The following PRKAR1A variants were observed in gnomAD, a reference collection of about 807,000 sequenced individuals.
PRKAR1A encodes the protein cAMP-dependent protein kinase type I-alpha regulatory subunit.
In PRKAR1A, 3 loss-of-function variants were observed where a neutral mutation model predicts 52.0. That is an observed-to-expected ratio of 0.06 (90% confidence interval 0.03 to 0.15). The LOEUF is 0.15. Ranked by LOEUF, PRKAR1A falls within the 10% of genes least tolerant of loss-of-function variation. PRKAR1A has a pLI of 1.00. For missense variants in PRKAR1A, 240 were observed against 477.4 expected, an observed-to-expected ratio of 0.50 and a Z score of 4.63; for synonymous variants, 188 against 168.4, an observed-to-expected ratio of 1.12 and a Z score of -0.90.
At chr17:68,456,669 C>T in the PRKAR1A span, among the ~76,000 whole-genome samples, 35 of 152,324 alleles carry the variant, frequency 2.3e-4, no homozygotes, top group African/African-American at 7.5e-4. Flanking sequence ...AAGCAGTCTG[C>T]GCCCGGGAAA....
chr17:68,512,932 G>T (rs2085309071), intron 1 of PRKAR1A: 1 of 152,288 alleles, frequency 6.6e-6, no homozygotes. Context: ...ATTTTACTGG[G>T]GTCCGCCATC....
At chr17:68,506,707 C>T in the PRKAR1A span, among the ~76,000 whole-genome samples, 2 of 152,134 alleles carry the variant, frequency 1.3e-5, no homozygotes, top group Non-Finnish European at 2.9e-5. Context: ...TGGTCTCAAA[C>T]TCCTGACCTC....
the PRKAR1A span, among the ~76,000 whole-genome samples, chr17:68,462,574 T>C: frequency 6.6e-6 from 1 of 152,192 alleles, no homozygotes; most frequent in Non-Finnish European, 1.5e-5. Context: ...GGTCTAGGAA[T>C]GTTTATCCCC....
intron 11 of PRKAR1A, chr17:68,543,763 G>C (rs1329080046): frequency 6.5e-7 from 1 of 1,543,782 alleles, no homozygotes; most frequent in Non-Finnish European, 9.0e-7. Flanking sequence ...TCAGACTTCA[G>C]CTGGGAGCCT....
At chr17:68,466,453 C>A in the PRKAR1A span, among the ~76,000 whole-genome samples, 3 of 148,018 alleles carry the variant, frequency 2.0e-5, no homozygotes, top group Non-Finnish European at 3.0e-5. Flanking sequence ...ACTCTGTCAC[C>A]CAGGCTGGAG....
At chr17:68,546,903 G>T (rs2086599632) in intron 11 of PRKAR1A, among the ~76,000 whole-genome samples, 1 of 151,388 alleles carries the variant, frequency 6.6e-6, no homozygotes, top group Non-Finnish European at 1.5e-5. Context: ...CAGAATGGAT[G>T]TTGTGTTAGC....
chr17:68,425,739 A>G, the PRKAR1A span, among the ~76,000 whole-genome samples: 1 of 152,172 alleles, frequency 6.6e-6, no homozygotes, highest in Non-Finnish European at 1.5e-5. Context: ...GTTTTAGACA[A>G]GTCACGTGTT....
intron 2 of PRKAR1A, among the ~76,000 whole-genome samples, chr17:68,518,752 G>T (rs1475010294): frequency 6.6e-6 from 1 of 152,268 alleles, no homozygotes; most frequent in East Asian, 1.9e-4. Context: ...GAATTTCTGC[G>T]GCAGGCTTGA....
the PRKAR1A span, among the ~76,000 whole-genome samples, chr17:68,479,900 G>C: frequency 1.3e-5 from 2 of 152,342 alleles, no homozygotes; most frequent in South Asian, 4.1e-4. Flanking sequence ...CAGCAGGAGA[G>C]AGAATTGCTG....
At chr17:68,518,302 A>G (rs1267933349) in intron 2 of PRKAR1A, among the ~76,000 whole-genome samples, 2 of 152,168 alleles carry the variant, frequency 1.3e-5, no homozygotes, top group African/African-American at 2.4e-5. Flanking sequence ...ACGACCCCAC[A>G]TTTCCCTTCC....
chr17:68,537,247 C>T (rs2086120154), downstream of PRKAR1A: 1 of 684,590 alleles, frequency 1.5e-6, no homozygotes, highest in Non-Finnish European at 2.6e-6. This position sits in a 1 kb window ranked among gnomAD's most constrained non-coding sequence, Gnocchi z 4.2. Flanking sequence ...CTTGATGAAG[C>T]CAGTGCTTTT....
At chr17:68,516,941 C>G (rs1294001358) in intron 2 of PRKAR1A, among the ~76,000 whole-genome samples, 2 of 152,160 alleles carry the variant, frequency 1.3e-5, no homozygotes, top group Non-Finnish European at 2.9e-5. Flanking sequence ...CTTCTTTGGA[C>G]ATCAATAGAA....
chr17:68,461,477 C>T, the PRKAR1A span, among the ~76,000 whole-genome samples: 1 of 152,214 alleles, frequency 6.6e-6, no homozygotes, highest in African/African-American at 2.4e-5. This position sits in a 1 kb window ranked among gnomAD's most constrained non-coding sequence, Gnocchi z 4.6. Context: ...TGCAACACTC[C>T]TGTCACCCCA....
the PRKAR1A span, chr17:68,420,538 T>C: frequency 1.3e-6 from 2 of 1,509,478 alleles, no homozygotes; most frequent in African/African-American, 1.4e-5. Flanking sequence ...ATTTTTACCC[T>C]CTTTACAAAC....
Position 68,539,882 on chromosome 17 carries a change from C to T in PRKAR1A, c.973+9881C>T, listed in dbSNP as rs2086212414. On this transcript the variant is annotated intron_variant, in intron 11 of 11. Coordinates refer to the PRKAR1A transcript ENST00000585981. Reference sequence around the variant, plus strand: ...ATTGTTGAACACACGTGGGGAAGCTCACCCTCTGGCGTTGTCAAGGTGAAT... The same window carrying T: ...ATTGTTGAACACACGTGGGGAAGCTTACCCTCTGGCGTTGTCAAGGTGAAT... 1 of 1,613,984 alleles carries T rather than the reference C, an allele frequency of 6.2e-7. No homozygotes were observed. The highest frequency in any genetic ancestry group is 8.5e-7 in the Non-Finnish European group (1 of 1,179,866).
intron 11 of PRKAR1A, chr17:68,541,444 C>T (rs1403314709): frequency 5.2e-6 from 1 of 192,702 alleles, no homozygotes; most frequent in African/African-American, 2.3e-5. Flanking sequence ...GTCATGTCCT[C>T]CAGAAATTCT....
Position 68,528,854 on chromosome 17 carries a change from GATT to G in PRKAR1A, c.770-15_770-13del. ...CCAAATAATACAGAGCAGTTATTTTGATTCTTGTCTTTCAGAGTCTCTGGACAA... is the reference window on the plus strand; with the variant it reads ...CCAAATAATACAGAGCAGTTATTTTGCTTGTCTTTCAGAGTCTCTGGACAA... On this transcript the variant is annotated splice_polypyrimidine_tract_variant and intron_variant, in intron 8 of 10. Transcript: ENST00000589228. The G allele has an allele frequency of 6.2e-7, 1 of 1,613,404 alleles. No homozygotes were observed. The highest frequency in any genetic ancestry group is 8.5e-7 in the Non-Finnish European group (1 of 1,179,392).
At chr17:68,485,443 A>G in the PRKAR1A span, among the ~76,000 whole-genome samples, 1 of 152,226 alleles carries the variant, frequency 6.6e-6, no homozygotes, top group African/African-American at 2.4e-5. Flanking sequence ...TATTGAGTTA[A>G]GCCTTCTAAA....
chr17:68,466,736 T>C, the PRKAR1A span, among the ~76,000 whole-genome samples: 7 of 152,146 alleles, frequency 4.6e-5, no homozygotes. Flanking sequence ...CTTATGTTAA[T>C]GTGGAGAATT....
Sources: gnomAD v4.1 joint callset for allele counts (sites outside exome capture counted in the v4.1 genomes callset) on GRCh38, gnomAD v4.1.1 for gene constraint, Gnocchi (gnomAD v3.1) non-coding constraint, MANE v1.5 for transcripts, NCBI Gene and HGNC (gene_info 2026-07-23, HGNC 2026-07-21) for gene names.